The following CD2 variants were observed in gnomAD, a reference collection of about 807,000 sequenced individuals.
CD2 encodes the protein T-cell surface antigen CD2.
Under a neutral mutation model 23.2 loss-of-function variants are expected in CD2, and 18 were observed. The ratio of observed to expected loss-of-function variants is 0.77; its 90% CI spans 0.54 to 1.15. The LOEUF (loss-of-function observed/expected upper bound fraction) is 1.15. CD2 is among the 50% of genes most tolerant of loss of function. CD2 has a pLI of 0.00. For missense variants in CD2, 424 were observed against 423.1 expected, an observed-to-expected ratio of 1.00 and a Z score of -0.02; for synonymous variants, 162 against 151.9, an observed-to-expected ratio of 1.07 and a Z score of -0.49.
intron 2 of CD2, among the ~76,000 whole-genome samples, chr1:116,759,813 T>A (rs150247616): frequency 1.5e-4 from 23 of 152,294 alleles, no homozygotes; most frequent in African/African-American, 5.5e-4. Flanking sequence ...AGCTTTGAGC[T>A]CCTTGGACAC....
Position 116,757,031 on chromosome 1 carries a change from C to G in CD2, c.382+2080C>G, listed in dbSNP as rs556026077. On this transcript the variant is annotated intron_variant, in intron 2 of 4. Transcript: ENST00000369478. ...TTTTTAATTGAGATGGCATCTTGCT[C>G]TGTTGCCCAGGCTGGAGTGCACTGG... 2.1e-5 allele frequency among the ~76,000 whole-genome samples: 3 copies of G among 143,940 alleles called. No individual in the cohort carries two copies. The East Asian group carries it at 6.0e-4, about 29-fold the overall frequency. 94.4% of individuals were successfully genotyped at this position (143,940 alleles called of 152,430 possible).
At chr1:116,763,255 C>T (rs527504006) in intron 3 of CD2, among the ~76,000 whole-genome samples, 22 of 152,316 alleles carry the variant, frequency 1.4e-4, no homozygotes, top group African/African-American at 5.1e-4. Context: ...ATGAATAAAC[C>T]ACCACAGTTT....
chr1:116,768,921 T>A lies in CD2; in HGVS notation c.*138T>A. 2.4e-6 allele frequency: 2 copies of A among 821,654 alleles called. No homozygotes were observed. Among genetic ancestry groups the A allele is most frequent in the Non-Finnish European group, 3.8e-6 (2 of 528,440 alleles). 50.9% of individuals were successfully genotyped at this position (821,654 alleles called of 1,614,324 possible). A position where few individuals can be genotyped will look rare whatever the true frequency, so the allele number is the denominator to read the frequency against. ...TGAGGCTGTGGGCCACAGCCACCTC[T>A]GCATCTTCGAACTCAGCCATGTGGT... On this transcript the variant is annotated 3_prime_UTR_variant, in exon 5 of 5. Transcript: ENST00000369478.
intron 3 of CD2, among the ~76,000 whole-genome samples, chr1:116,763,936 T>C (rs1303082560): frequency 6.6e-6 from 1 of 151,522 alleles, no homozygotes; most frequent in Non-Finnish European, 1.5e-5. Flanking sequence ...GCTGGACAAG[T>C]GAAATATTTA....
At position 116,768,615 on chromosome 1, in the gene CD2, T is replaced by TC; in HGVS notation, c.893dup (p.Pro299AlafsTer53). ...ATCGTTCCCAGGCACCTAGTCATCG[T>TC]CCCCCGCCTCCTGGACACCGTGTTC... On this transcript the variant is annotated frameshift_variant, in exon 5 of 5. Coordinates refer to ENST00000369478, the MANE Select transcript of CD2 (RefSeq NM_001767.5). LOFTEE classifies it low-confidence loss of function (END_TRUNC). 6.2e-7 allele frequency: 1 copy of TC among 1,613,600 alleles called. No homozygotes were observed. The highest frequency in any genetic ancestry group is 8.5e-7 in the Non-Finnish European group (1 of 1,179,920).
chr1:116,768,394 A>G (rs922009355), intron 4 of CD2, 70 bp from the exon 5 acceptor site: 3 of 1,448,398 alleles, frequency 2.1e-6, no homozygotes, highest in African/African-American at 2.8e-5. Context: ...CCTTGCATAT[A>G]AAAGGTACTC....
intron 3 of CD2, among the ~76,000 whole-genome samples, chr1:116,761,638 A>G (rs1426814643): frequency 1.3e-5 from 2 of 152,204 alleles, no homozygotes; most frequent in South Asian, 4.1e-4. Context: ...AAGCAAGTTA[A>G]TAAGTCTAGC....
intron 2 of CD2, among the ~76,000 whole-genome samples, chr1:116,759,411 A>G (rs902211093): frequency 4.0e-5 from 6 of 149,690 alleles, no homozygotes; most frequent in Non-Finnish European, 7.4e-5. Flanking sequence ...GTCTGGGGGG[A>G]ACAAAGTAAA....
intron 2 of CD2, among the ~76,000 whole-genome samples, chr1:116,759,172 A>G (rs1031826776): frequency 2.0e-5 from 3 of 152,204 alleles, no homozygotes; most frequent in African/African-American, 4.8e-5. Context: ...CTGAATGTTG[A>G]TAATTTCCAT....
intron 3 of CD2, among the ~76,000 whole-genome samples, chr1:116,761,103 G>C (rs1331287944): frequency 6.6e-6 from 1 of 152,140 alleles, no homozygotes; most frequent in East Asian, 1.9e-4. Context: ...TGGGGGAATG[G>C]AGCCCTTGAG....
At chr1:116,762,453 C>G (rs1458017749) in intron 3 of CD2, among the ~76,000 whole-genome samples, 2 of 152,030 alleles carry the variant, frequency 1.3e-5, no homozygotes, top group East Asian at 3.9e-4. Context: ...GCGAGAAGGA[C>G]CACTAGGGAG....
chr1:116,755,167 T>C, intron 2 of CD2: 1 of 572,870 alleles, frequency 1.7e-6, no homozygotes. Flanking sequence ...TGCCTACAAC[T>C]CTGTCTTCAG....
At chr1:116,762,160 T>A (rs139841442) in intron 3 of CD2, among the ~76,000 whole-genome samples, 1 of 152,332 alleles carries the variant, frequency 6.6e-6, no homozygotes. Context: ...TTGCCAGATA[T>A]AGCAAATAAA....
chr1:116,758,035 C>G (rs1165449458), intron 2 of CD2, among the ~76,000 whole-genome samples: 1 of 151,638 alleles, frequency 6.6e-6, no homozygotes, highest in South Asian at 2.1e-4. Flanking sequence ...TCCCAAAGTG[C>G]TGGATTACAG....
intron 4 of CD2, among the ~76,000 whole-genome samples, chr1:116,765,016 G>A (rs2101168894): frequency 6.6e-6 from 1 of 152,278 alleles, no homozygotes; most frequent in South Asian, 2.1e-4. Context: ...TAGAAACACA[G>A]GGAAAATCAT....
At chr1:116,761,837 G>T (rs974036409) in intron 3 of CD2, among the ~76,000 whole-genome samples, 1 of 152,002 alleles carries the variant, frequency 6.6e-6, no homozygotes, top group Non-Finnish European at 1.5e-5. Context: ...CCTTGACTTC[G>T]CAACTTTTTT....
intron 2 of CD2, among the ~76,000 whole-genome samples, chr1:116,759,583 T>A (rs1651968679): frequency 6.6e-6 from 1 of 152,194 alleles, no homozygotes; most frequent in Non-Finnish European, 1.5e-5. Context: ...TTTGTGATTA[T>A]CGAATGCATG....
chr1:116,762,504 G>A (rs1460043049), intron 3 of CD2, among the ~76,000 whole-genome samples: 1 of 152,152 alleles, frequency 6.6e-6, no homozygotes, highest in East Asian at 1.9e-4. Context: ...TGGAGGAGCT[G>A]CTCTTGAAGA....
intron 4 of CD2, among the ~76,000 whole-genome samples, chr1:116,767,371 A>G (rs926876028): frequency 1.3e-5 from 2 of 152,122 alleles, no homozygotes; most frequent in African/African-American, 4.8e-5. Flanking sequence ...AGGCAGGCAG[A>G]TCACCTGGTC....
Sources: gnomAD v4.1 joint callset for allele counts (sites outside exome capture counted in the v4.1 genomes callset) on GRCh38, gnomAD v4.1.1 for gene constraint, MANE v1.5 for transcripts, NCBI Gene and HGNC (gene_info 2026-07-23, HGNC 2026-07-21) for gene names.